The following TTC8 variants were observed in gnomAD, a reference collection of about 807,000 sequenced individuals.
TTC8 encodes the protein tetratricopeptide repeat domain 8, also known as tetratricopeptide repeat protein 8.
TTC8 carries 47 observed loss-of-function variants against 72.5 expected under a neutral mutation model. That is an observed-to-expected ratio of 0.65 (90% CI 0.51 to 0.83). TTC8 has a LOEUF of 0.83. TTC8 is among the 40% of genes least tolerant of loss of function. TTC8 has a pLI of 0.00. For missense variants in TTC8, 611 were observed against 623.2 expected (o/e 0.98, Z 0.21); for synonymous variants, 199 against 221.4 (o/e 0.90, Z 0.90).
chr14:88,868,836 C>A (rs2094921672), intron 10 of TTC8, among the ~76,000 whole-genome samples: 1 of 152,086 alleles, frequency 6.6e-6, no homozygotes, highest in African/African-American at 2.4e-5. Context: ...GAATGACTGT[C>A]CATAGGTTGG....
At chr14:88,873,706 A>G (rs1466014529) in intron 13 of TTC8, among the ~76,000 whole-genome samples, 1 of 152,238 alleles carries the variant, frequency 6.6e-6, no homozygotes, top group Non-Finnish European at 1.5e-5. Context: ...TAGATGCTTA[A>G]TAAATTGTAT....
At position 88,861,313 on chromosome 14, in the gene TTC8, G is replaced by C; in HGVS notation, c.890G>C (p.Gly297Ala). The change falls in exon 10 of 15, where the codon GGA becomes GCA. Residue 297 changes from glycine (G) to alanine (A), a missense_variant. Physicochemically the swap from Gly to Ala is moderately conservative, Grantham distance 60. Coordinates refer to ENST00000380656, the MANE Select transcript of TTC8 (RefSeq NM_144596.4). ...KFPGEVTLLC[G>A]IARIYEEMNN... ...CCAGGAGAAGTAACCCTGCTCTGTG[G>C]AATTGCAAGAATCTATGAGGTAATT... The C allele has an allele frequency of 2.5e-6, 4 of 1,608,608 alleles. No homozygotes were observed. The highest frequency in any genetic ancestry group is 3.4e-6 in the Non-Finnish European group (4 of 1,175,930).
chr14:88,871,022 G>A lies in TTC8; in HGVS notation c.1050-527G>A, dbSNP rs772680495. On this transcript the variant is annotated intron_variant, in intron 11 of 14. Transcript: ENST00000380656. The surrounding 1 kb of genome is among the most constrained non-coding windows in gnomAD (Gnocchi z 4.1). Reference sequence around the variant, plus strand: ...ATGGGGCTCTTGAGCTGCAGTGTGAGAGCTAAGTGGATAATGTAAGGATCC... The same window carrying A: ...ATGGGGCTCTTGAGCTGCAGTGTGAAAGCTAAGTGGATAATGTAAGGATCC... Among the ~76,000 whole-genome samples, 1 of 152,198 alleles carries A rather than the reference G, an allele frequency of 6.6e-6. No individual in the cohort carries two copies. Among genetic ancestry groups the A allele is most frequent in the Non-Finnish European group, 1.5e-5 (1 of 68,046 alleles).
At chr14:88,862,861 C>G (rs1489674114) in intron 10 of TTC8, among the ~76,000 whole-genome samples, 39 of 151,270 alleles carry the variant, frequency 2.6e-4, no homozygotes, top group Admixed American at 2.6e-3. Context: ...TATGAAAAGT[C>G]CCATTGAGAT....
chr14:88,863,065 G>A (rs1430679189), intron 10 of TTC8, among the ~76,000 whole-genome samples: 1 of 134,098 alleles, frequency 7.5e-6, no homozygotes, highest in Admixed American at 7.5e-5. Context: ...CATTGAGTGT[G>A]TGAATGATGG....
chr14:88,847,948 C>T (rs775741892), intron 7 of TTC8, among the ~76,000 whole-genome samples: 1 of 151,738 alleles, frequency 6.6e-6, no homozygotes, highest in Non-Finnish European at 1.5e-5. Context: ...CATGGTGAAA[C>T]TCTGTCTATA....
chr14:88,845,984 A>G (rs2094804452), intron 7 of TTC8, among the ~76,000 whole-genome samples: 1 of 151,920 alleles, frequency 6.6e-6, no homozygotes, highest in African/African-American at 2.4e-5. Context: ...GGAGGATGCT[A>G]TTTTGGATGG....
rs766100747 is a variant in TTC8 at position 88,871,660 on chromosome 14, T to A, written c.1161T>A (p.Leu387=). The change falls in exon 12 of 15, where the codon CTT becomes CTA. Residue 387 remains leucine, a synonymous_variant. Coordinates refer to ENST00000380656, the MANE Select transcript of TTC8 (RefSeq NM_144596.4). The surrounding 1 kb of genome is among the most constrained non-coding windows in gnomAD (Gnocchi z 4.1). ...DMTLTSFERA[L]SLAENEEEAA... is the part of the protein sequence containing the mutation. ...CTCTGACCTCATTTGAACGTGCCCTTTCTTTGGCTGAAAATGAAGAAGAGG... is the reference window on the plus strand; with the variant it reads ...CTCTGACCTCATTTGAACGTGCCCTATCTTTGGCTGAAAATGAAGAAGAGG... The A allele has an allele frequency of 3.1e-6, 5 of 1,614,110 alleles. No homozygotes were observed. In the South Asian group the frequency reaches 4.4e-5, roughly 14 times the overall value.
At chr14:88,837,876 A>T (rs1260934551) in intron 2 of TTC8, among the ~76,000 whole-genome samples, 2 of 152,020 alleles carry the variant, frequency 1.3e-5, no homozygotes, top group African/African-American at 4.8e-5. Flanking sequence ...TTCCAATAGG[A>T]ATTGTTTTTT....
At chr14:88,869,301 TG>T (rs1158423977) in intron 10 of TTC8, among the ~76,000 whole-genome samples, 1 of 152,206 alleles carries the variant, frequency 6.6e-6, no homozygotes, top group Non-Finnish European at 1.5e-5. Flanking sequence ...ATATAATAAC[TG>T]TAGAAGGTTT....
intron 2 of TTC8, among the ~76,000 whole-genome samples, chr14:88,834,431 G>A (rs1303515500): frequency 1.3e-5 from 2 of 152,178 alleles, no homozygotes; most frequent in African/African-American, 2.4e-5. Flanking sequence ...ATGTTGCCAG[G>A]TGTTAGCCCT....
At chr14:88,867,823 T>C (rs1230065189) in intron 10 of TTC8, among the ~76,000 whole-genome samples, 5 of 152,234 alleles carry the variant, frequency 3.3e-5, no homozygotes, top group Non-Finnish European at 2.9e-5. Flanking sequence ...CTTCTTTGCA[T>C]TGGGCGTTGC....
intron 1 of TTC8, among the ~76,000 whole-genome samples, chr14:88,826,659 G>A (rs2094702563): frequency 6.6e-6 from 1 of 152,080 alleles, no homozygotes; most frequent in Admixed American, 6.5e-5. Flanking sequence ...AGCGGAGATC[G>A]CACCACTGCA....
chr14:88,872,210 CT>C, intron 12 of TTC8, 119 bp from the exon 13 acceptor site: 1 of 1,377,936 alleles, frequency 7.3e-7, no homozygotes. Flanking sequence ...TTCACATTGA[CT>C]TCTATAATTG....
At chr14:88,835,990 G>A (rs750452816) in intron 2 of TTC8, among the ~76,000 whole-genome samples, 50 of 152,080 alleles carry the variant, frequency 3.3e-4, no homozygotes, top group Non-Finnish European at 5.4e-4. Flanking sequence ...GGTCATTTTT[G>A]TTAGGACAGA....
intron 9 of TTC8, among the ~76,000 whole-genome samples, chr14:88,860,037 G>A (rs932314607): frequency 1.4e-5 from 2 of 147,496 alleles, no homozygotes; most frequent in African/African-American, 4.9e-5. Context: ...CAGATTTTAG[G>A]AACATTGCTT....
chr14:88,871,642 C>G lies in TTC8; in HGVS notation c.1143C>G (p.Thr381=). 1 of 1,614,092 alleles carries G rather than the reference C, an allele frequency of 6.2e-7. No individual in the cohort carries two copies. Among genetic ancestry groups the G allele is most frequent in the Middle Eastern group, 1.6e-4 (1 of 6,062 alleles). The change falls in exon 12 of 15, where the codon ACC becomes ACG. Residue 381 remains threonine, a synonymous_variant. Transcript: ENST00000380656. The surrounding 1 kb of genome is among the most constrained non-coding windows in gnomAD (Gnocchi z 4.1). ...FYAQQYDMTL[T]SFERALSLAE... The stretch of plus-strand genomic sequence containing the variant: ...CCCAGCAGTATGATATGACTCTGAC[C>G]TCATTTGAACGTGCCCTTTCTTTGG...
intron 2 of TTC8, among the ~76,000 whole-genome samples, chr14:88,836,407 G>A (rs1356292281): frequency 6.6e-6 from 1 of 151,802 alleles, no homozygotes; most frequent in Non-Finnish European, 1.5e-5. Context: ...ACCTGAGGTG[G>A]GAGGTGGAAG....
At chr14:88,828,461 A>G (rs117504771) in intron 1 of TTC8, among the ~76,000 whole-genome samples, 44 of 152,336 alleles carry the variant, frequency 2.9e-4, no homozygotes, top group Middle Eastern at 3.4e-3. Flanking sequence ...CTTTTCCTCT[A>G]TAACTATTTG....
Sources: gnomAD v4.1 joint callset for allele counts (sites outside exome capture counted in the v4.1 genomes callset) on GRCh38, gnomAD v4.1.1 for gene constraint, Gnocchi (gnomAD v3.1) non-coding constraint, MANE v1.5 for transcripts, NCBI Gene and HGNC (gene_info 2026-07-23, HGNC 2026-07-21) for gene names.